Variants in RIMS2 observed in about 807,000 individuals in gnomAD.
RIMS2 encodes the protein regulating synaptic membrane exocytosis 2.
In RIMS2, 59 loss-of-function variants were observed where a neutral mutation model predicts 174.4. That is an observed-to-expected ratio of 0.34 (90% CI 0.27 to 0.42). The LOEUF is 0.42. Among genes scored for constraint, RIMS2 ranks in the 10% least tolerant of loss-of-function variants. The probability of loss-of-function intolerance (pLI) is 1.00; values close to 1 mark genes in which losing one functional copy is unlikely to be tolerated. For missense variants in RIMS2, 1,620 were observed against 1,666.3 expected (o/e 0.97, Z 0.48); for synonymous variants, 606 against 572.5 (o/e 1.06, Z -0.84).
chr8:104,055,538 A>T (rs2096854575), intron 19 of RIMS2, among the ~76,000 whole-genome samples: 1 of 152,168 alleles, frequency 6.6e-6, no homozygotes, highest in African/African-American at 2.4e-5. Context: ...CTTTTCTTAG[A>T]AGCAATTTCA....
chr8:103,734,129 C>T (rs2097651472), intron 2 of RIMS2, among the ~76,000 whole-genome samples: 1 of 148,568 alleles, frequency 6.7e-6, no homozygotes, highest in African/African-American at 2.5e-5. Flanking sequence ...TCTCCTCCCT[C>T]AGCCTCCCAA....
chr8:103,922,310 G>T (rs2077834887), intron 10 of RIMS2, among the ~76,000 whole-genome samples: 1 of 151,804 alleles, frequency 6.6e-6, no homozygotes, highest in African/African-American at 2.4e-5. Flanking sequence ...ATAATGGATT[G>T]CTAAATACTT....
chr8:103,812,127 TA>T (rs2098691303), intron 3 of RIMS2, among the ~76,000 whole-genome samples: 1 of 152,190 alleles, frequency 6.6e-6, no homozygotes, highest in Non-Finnish European at 1.5e-5. Flanking sequence ...AACAAATTTT[TA>T]AAACTTATGA....
At chr8:103,746,211 A>G (rs1411037123) in intron 2 of RIMS2, among the ~76,000 whole-genome samples, 4 of 152,318 alleles carry the variant, frequency 2.6e-5, no homozygotes, top group Admixed American at 1.3e-4. Flanking sequence ...GACTATTCCA[A>G]TTGAACGATC....
At chr8:103,603,390 T>G (rs1588730405) in intron 1 of RIMS2, among the ~76,000 whole-genome samples, 1 of 150,022 alleles carries the variant, frequency 6.7e-6, no homozygotes, top group Non-Finnish European at 1.5e-5. Context: ...CTTAATCCAG[T>G]CTATCATTGT....
intron 3 of RIMS2, among the ~76,000 whole-genome samples, chr8:103,857,576 CTTTAG>C (rs1287242787): frequency 6.6e-6 from 1 of 151,724 alleles, no homozygotes; most frequent in Non-Finnish European, 1.5e-5. Context: ...GTATTCTGGC[CTTTAG>C]TTTAATCTCA....
At chr8:103,918,249 G>C (rs935297299) in intron 8 of RIMS2, among the ~76,000 whole-genome samples, 192 bp from the exon 12 acceptor site, 2 of 151,958 alleles carry the variant, frequency 1.3e-5, no homozygotes, top group Non-Finnish European at 2.9e-5. Context: ...AAATAGTTGG[G>C]GTTAGCCCAG....
At chr8:104,061,843 A>T (rs888185887) in intron 19 of RIMS2, among the ~76,000 whole-genome samples, 1 of 151,894 alleles carries the variant, frequency 6.6e-6, no homozygotes, top group Admixed American at 6.6e-5. Flanking sequence ...TTTTTTTCCC[A>T]AGGTGTTTAC....
At chr8:104,077,524 T>A (rs2097320444) in intron 19 of RIMS2, among the ~76,000 whole-genome samples, 1 of 151,528 alleles carries the variant, frequency 6.6e-6, no homozygotes, top group Admixed American at 6.6e-5. Flanking sequence ...TTGTATAGTT[T>A]ATATTCCCTA....
intron 19 of RIMS2, among the ~76,000 whole-genome samples, chr8:104,028,023 T>G (rs975832103): frequency 1.3e-5 from 2 of 152,066 alleles, no homozygotes; most frequent in Non-Finnish European, 1.5e-5. Context: ...CTTGACCTCC[T>G]GGGCTCAACT....
At chr8:103,872,572 C>T (rs1325280316) in intron 3 of RIMS2, among the ~76,000 whole-genome samples, 1 of 152,188 alleles carries the variant, frequency 6.6e-6, no homozygotes, top group Admixed American at 6.5e-5. Flanking sequence ...AGGAAGTTAA[C>T]AGAGACCTGT....
chr8:103,867,245 T>G (rs1170825984), intron 3 of RIMS2, among the ~76,000 whole-genome samples: 3 of 151,854 alleles, frequency 2.0e-5, no homozygotes, highest in African/African-American at 7.2e-5. Flanking sequence ...TCTTAAGGTT[T>G]TATAAATTGT....
intron 19 of RIMS2, among the ~76,000 whole-genome samples, chr8:104,074,451 A>C: frequency 6.6e-6 from 1 of 152,216 alleles, no homozygotes; most frequent in East Asian, 1.9e-4. Context: ...ATTAGTTATT[A>C]TTTTATAGTA....
intron 4 of RIMS2, among the ~76,000 whole-genome samples, chr8:103,886,796 C>A (rs1340198749): frequency 6.6e-6 from 1 of 151,134 alleles, no homozygotes; most frequent in East Asian, 2.0e-4. Flanking sequence ...TTTTTTCAAG[C>A]CATTAGATGT....
At chr8:104,148,771 C>G (rs747419995) in intron 19 of RIMS2, 6 of 1,598,430 alleles carry the variant, frequency 3.8e-6, no homozygotes, top group East Asian at 2.2e-5. Context: ...AAGCGGCGCT[C>G]TAGCCTTGGT....
intron 3 of RIMS2, among the ~76,000 whole-genome samples, chr8:103,865,674 A>G (rs994126366): frequency 2.0e-5 from 3 of 152,182 alleles, no homozygotes; most frequent in Non-Finnish European, 2.9e-5. Context: ...TCATTAATAT[A>G]AATTCATAAA....
intron 1 of RIMS2, among the ~76,000 whole-genome samples, chr8:103,573,593 C>T (rs2092996377): frequency 6.6e-6 from 1 of 151,850 alleles, no homozygotes; most frequent in Non-Finnish European, 1.5e-5. Context: ...ATTTTTGTAC[C>T]ATATCGTTTT....
chr8:103,693,516 G>A (rs1403083092), intron 1 of RIMS2, among the ~76,000 whole-genome samples: 1 of 152,122 alleles, frequency 6.6e-6, no homozygotes, highest in Admixed American at 6.6e-5. Flanking sequence ...TATCTCCTTG[G>A]TTTTTCATGA....
At chr8:103,819,161 G>A in intron 3 of RIMS2, 1 of 1,043,322 alleles carries the variant, frequency 9.6e-7, no homozygotes, top group African/African-American at 1.7e-5. Flanking sequence ...TCTATTCATT[G>A]CATGTTTTTA....
Sources: allele counts gnomAD v4.1 joint callset (sites outside exome capture counted in the v4.1 genomes callset), GRCh38; gene constraint gnomAD v4.1.1; transcripts MANE v1.5; gene names NCBI Gene and HGNC (gene_info 2026-07-23, HGNC 2026-07-21).